GPC5: variants seen among roughly 807,000 people sequenced by gnomAD.
GPC5 encodes glypican 5, also known as glypican-5.
In GPC5, 47 loss-of-function variants were observed where a neutral mutation model predicts 53.9. That is an observed-to-expected ratio of 0.87 (90% confidence interval 0.69 to 1.11). GPC5 has a LOEUF of 1.11. Among genes scored for constraint, GPC5 ranks in the 50% most tolerant of loss-of-function variants. The pLI, the probability that GPC5 is intolerant of heterozygous loss-of-function variation, is 0.00. For missense variants in GPC5, 748 were observed against 713.1 expected, an observed-to-expected ratio of 1.05 and a Z score of -0.56; for synonymous variants, 286 against 263.3, an observed-to-expected ratio of 1.09 and a Z score of -0.84.
chr13:91,877,895 G>C (rs764240961), intron 5 of GPC5, among the ~76,000 whole-genome samples: 69 of 152,130 alleles, frequency 4.5e-4, no homozygotes, highest in Non-Finnish European at 9.1e-4. Context: ...GAATCATGGG[G>C]GCCGGTCTTT....
In GPC5 at chr13:92,038,028, A is replaced by T. The variant is rs185135911; in HGVS notation, c.1402-106802A>T. Among the ~76,000 whole-genome samples the T allele has an allele frequency of 7.2e-5, 11 of 152,238 alleles. No individual in the cohort carries two copies. In the East Asian group the frequency reaches 2.1e-3, roughly 30 times the overall value. On this transcript the variant is annotated intron_variant, in intron 6 of 7. Transcript: ENST00000377067. ...AGAGAAACCCACTTAGGTTATTGAC[A>T]GTATTGAGGTGAAATATGACGGCAG... is the stretch of plus-strand genomic sequence containing the variant.
intron 6 of GPC5, among the ~76,000 whole-genome samples, chr13:92,043,292 A>G (rs184824027): frequency 2.6e-5 from 4 of 152,310 alleles, no homozygotes; most frequent in Non-Finnish European, 5.9e-5. Flanking sequence ...GGGATGAGTT[A>G]GTATTGTTGT....
intron 7 of GPC5, among the ~76,000 whole-genome samples, chr13:92,445,546 A>G (rs1877777140): frequency 7.2e-6 from 1 of 138,410 alleles, no homozygotes; most frequent in Non-Finnish European, 1.5e-5. Flanking sequence ...TTTCCCACCT[A>G]TGAGTGAGAA....
chr13:92,450,885 T>G (rs961987291), intron 7 of GPC5, among the ~76,000 whole-genome samples: 3 of 152,184 alleles, frequency 2.0e-5, no homozygotes, highest in African/African-American at 7.2e-5. Context: ...ATCTTTAAGA[T>G]GGAATAATAC....
intron 7 of GPC5, among the ~76,000 whole-genome samples, chr13:92,321,293 G>T (rs187088909): frequency 6.6e-6 from 1 of 152,188 alleles, no homozygotes; most frequent in Non-Finnish European, 1.5e-5. Flanking sequence ...AGTTAAAGAT[G>T]AGTCTAAAAT....
rs865874593 is a variant in GPC5 at position 92,206,166 on chromosome 13, T to A, written c.1561+61177T>A. Among the ~76,000 whole-genome samples the A allele has an allele frequency of 9.3e-4, 122 of 131,370 alleles. 1 individual carries two copies. Among genetic ancestry groups the A allele is most frequent in the South Asian group, 5.8e-3 (24 of 4,166 alleles). 86.2% of individuals were successfully genotyped at this position (131,370 alleles called of 152,430 possible). A position where few individuals can be genotyped will look rare whatever the true frequency, so the allele number is the denominator to read the frequency against. Reference sequence around the variant, plus strand: ...GTTGTGTTTTTTTTATTTTTTTTTTTATTTTTTTTTTTTTTTTGAGACAGA... The same window carrying A: ...GTTGTGTTTTTTTTATTTTTTTTTTAATTTTTTTTTTTTTTTTGAGACAGA... On this transcript the variant is annotated intron_variant, in intron 7 of 7. Coordinates refer to ENST00000377067, the MANE Select transcript of GPC5 (RefSeq NM_004466.6).
At chr13:91,698,388 T>C (rs1233454630) in intron 3 of GPC5, among the ~76,000 whole-genome samples, 4 of 150,668 alleles carry the variant, frequency 2.7e-5, no homozygotes, top group African/African-American at 9.7e-5. Flanking sequence ...AGGAAACTAA[T>C]ATCTTATCAC....
intron 7 of GPC5, among the ~76,000 whole-genome samples, chr13:92,597,700 T>C (rs1296987044): frequency 4.6e-5 from 7 of 152,196 alleles, no homozygotes. Flanking sequence ...CATTTTTGCA[T>C]GCAAGCTTAC....
intron 7 of GPC5, among the ~76,000 whole-genome samples, chr13:92,684,886 GT>G (rs1376782630): frequency 6.6e-6 from 1 of 152,130 alleles, no homozygotes. Flanking sequence ...TCTGCTCATT[GT>G]TTTACCAGCA....
chr13:91,476,064 G>C (rs1448702987), intron 2 of GPC5, among the ~76,000 whole-genome samples: 1 of 152,182 alleles, frequency 6.6e-6, no homozygotes, highest in Non-Finnish European at 1.5e-5. Context: ...TACCTGCATT[G>C]TTTGATGGCT....
At chr13:91,769,235 T>A (rs972658314) in intron 5 of GPC5, among the ~76,000 whole-genome samples, 1 of 152,176 alleles carries the variant, frequency 6.6e-6, no homozygotes, top group African/African-American at 2.4e-5. Context: ...ATTGATTGAA[T>A]GAGGACCACC....
Position 91,932,989 on chromosome 13 carries a change from G to A in GPC5, c.1401+24932G>A, listed in dbSNP as rs549520901. On this transcript the variant is annotated intron_variant, in intron 6 of 7. Transcript: ENST00000377067. Reference sequence around the variant, plus strand: ...ATTTAAATGGGGTTTGCTTTTTGCTGTTGCTTTGTTAATATGCATTTGAAA... The same window carrying A: ...ATTTAAATGGGGTTTGCTTTTTGCTATTGCTTTGTTAATATGCATTTGAAA... Among the ~76,000 whole-genome samples, 120 of 152,046 alleles carry A rather than the reference G, an allele frequency of 7.9e-4. 1 individual carries two copies. The highest frequency in any genetic ancestry group is 1.5e-3 in the Non-Finnish European group (101 of 67,908).
At chr13:91,441,142 C>T (rs2139067029) in intron 1 of GPC5, among the ~76,000 whole-genome samples, 1 of 151,704 alleles carries the variant, frequency 6.6e-6, no homozygotes, top group South Asian at 2.1e-4. Context: ...TTCAGACTCT[C>T]CTCTTTTGTC....
At chr13:91,549,575 A>G (rs2030502998) in intron 2 of GPC5, among the ~76,000 whole-genome samples, 1 of 152,186 alleles carries the variant, frequency 6.6e-6, no homozygotes, top group Non-Finnish European at 1.5e-5. Flanking sequence ...AGAACACAAC[A>G]AACCTGATTA....
chr13:91,589,901 C>T (rs531840642), intron 2 of GPC5, among the ~76,000 whole-genome samples: 3 of 152,034 alleles, frequency 2.0e-5, no homozygotes, highest in Non-Finnish European at 4.4e-5. Flanking sequence ...TGGGTATCTT[C>T]TATGGAGAAA....
intron 2 of GPC5, among the ~76,000 whole-genome samples, chr13:91,470,484 T>C (rs190311260): frequency 9.1e-4 from 138 of 152,218 alleles, no homozygotes; most frequent in African/African-American, 3.0e-3. Context: ...TACATGCTGA[T>C]TTCTTTTCAG....
At chr13:92,595,143 G>A (rs979876803) in intron 7 of GPC5, among the ~76,000 whole-genome samples, 8 of 152,128 alleles carry the variant, frequency 5.3e-5, no homozygotes, top group African/African-American at 1.4e-4. Context: ...TTAAGTTCAC[G>A]TCTTAACTGT....
At chr13:91,879,541 T>C (rs2039242012) in intron 5 of GPC5, among the ~76,000 whole-genome samples, 1 of 152,168 alleles carries the variant, frequency 6.6e-6, no homozygotes, top group Non-Finnish European at 1.5e-5. Context: ...CAAAGAAGGC[T>C]GCCCTTTCTC....
intron 7 of GPC5, among the ~76,000 whole-genome samples, chr13:92,837,318 CAT>C (rs1380863687): frequency 6.6e-6 from 1 of 152,092 alleles, no homozygotes; most frequent in East Asian, 1.9e-4. Context: ...CCACTGGAAA[CAT>C]ACTAGAAATC....
Sources: gnomAD v4.1 joint callset for allele counts (sites outside exome capture counted in the v4.1 genomes callset) on GRCh38, gnomAD v4.1.1 for gene constraint, MANE v1.5 for transcripts, NCBI Gene and HGNC (gene_info 2026-07-23, HGNC 2026-07-21) for gene names.